Variants in RANBP1 observed in about 807,000 individuals in gnomAD.
The protein encoded by RANBP1 is ran-specific GTPase-activating protein.
Under a neutral mutation model 31.4 loss-of-function variants are expected in RANBP1, and 16 were observed. The observed-to-expected ratio is 0.51, with a 90% CI of 0.34 to 0.77. The LOEUF is 0.77. RANBP1 is among the 30% of genes least tolerant of loss of function. The probability of loss-of-function intolerance (pLI) is 0.01; values close to 1 mark genes in which losing one functional copy is unlikely to be tolerated. For synonymous variants in RANBP1, 129 were observed against 140.5 expected (o/e 0.92, Z 0.58); for missense variants, 265 against 362.0 (o/e 0.73, Z 2.17).
chr22:20,117,427 T>A (rs2050061003), intron 1 of RANBP1: 1 of 1,192,062 alleles, frequency 8.4e-7, no homozygotes, highest in Admixed American at 4.7e-5. Flanking sequence ...ACAATGAGAG[T>A]GTCCGCCTCC....
intron 5 of RANBP1, 43 bp downstream of exon 5, chr22:20,126,411 C>T (rs1602554768): frequency 1.9e-6 from 3 of 1,613,606 alleles, no homozygotes; most frequent in Non-Finnish European, 8.5e-7. Context: ...TGCAGACTCA[C>T]TCTGCATCTG....
At chr22:20,123,877 G>A (rs752759175) in intron 3 of RANBP1, among the ~76,000 whole-genome samples, 3 of 152,052 alleles carry the variant, frequency 2.0e-5, no homozygotes, top group Non-Finnish European at 2.9e-5. Context: ...TCCTAGTGTC[G>A]TTTGCTGAGT....
chr22:20,118,257 C>G, intron 1 of RANBP1: 2 of 1,002,490 alleles, frequency 2.0e-6, no homozygotes, highest in Non-Finnish European at 2.4e-6. Flanking sequence ...GTTTTCTTTT[C>G]CAGTTTGAGT....
intron 3 of RANBP1, chr22:20,122,767 T>TGTGTGTGG: frequency 7.0e-6 from 1 of 143,340 alleles, no homozygotes; most frequent in Non-Finnish European, 7.9e-6. Context: ...GTGTGTGGTG[T>TGTGTGTGG]CTGGGGGGTG....
At chr22:20,122,508 G>C (rs893771047) in intron 3 of RANBP1, 87 bp downstream of exon 3, 2 of 1,600,542 alleles carry the variant, frequency 1.2e-6, no homozygotes, top group Admixed American at 3.4e-5. Context: ...GGGAACTGGG[G>C]AGCGTGTTAT....
intron 1 of RANBP1, chr22:20,117,794 C>G: frequency 9.7e-7 from 1 of 1,034,844 alleles, no homozygotes; most frequent in Non-Finnish European, 1.2e-6. Context: ...TGCTGGGCCT[C>G]GGTGGCGCGG....
chr22:20,122,658 A>ATGGGAGGACT lies in RANBP1; in HGVS notation c.541+246_541+247insTTGGGAGGAC, dbSNP rs1276344669. 3.5e-5 allele frequency: 49 copies of ATGGGAGGACT among 1,418,732 alleles called. No individual in the cohort carries two copies. In the Middle Eastern group the frequency reaches 5.7e-4, roughly 16 times the overall value. 87.9% of individuals were successfully genotyped at this position (1,418,732 alleles called of 1,614,324 possible). ...TGTGGAGTCAGCCAGACGGGCCCTG[A>ATGGGAGGACT]TGGGAGGACGCAGCGCCCAGGCTGG... On this transcript the variant is annotated intron_variant, in intron 3 of 5. Transcript: ENST00000430524.
rs1028105982 is a variant in RANBP1 at position 20,119,591 on chromosome 22, G to A, written c.383+442G>A. ...CGCCCAGGCTGGAGTGCAGTGGTGC[G>A]ATCTTGGCTCATTGCAAGCTCCGCC... On this transcript the variant is annotated intron_variant, in intron 2 of 5. Coordinates refer to ENST00000430524, the MANE Select transcript of RANBP1 (RefSeq NM_001278639.2). 4 of 165,280 alleles carry A rather than the reference G, an allele frequency of 2.4e-5. No individual in the cohort carries two copies. In the South Asian group the frequency reaches 5.8e-4, roughly 24 times the overall value. 10.2% of individuals were successfully genotyped at this position (165,280 alleles called of 1,614,324 possible).
At chr22:20,122,033 G>A (rs1387078195) in intron 2 of RANBP1, among the ~76,000 whole-genome samples, 3 of 151,998 alleles carry the variant, frequency 2.0e-5, no homozygotes, top group African/African-American at 4.8e-5. Context: ...CACCGCGCCC[G>A]GTCGTCTAAT....
intron 1 of RANBP1, chr22:20,117,585 C>T (rs980246928): frequency 4.1e-5 from 58 of 1,406,514 alleles, no homozygotes; most frequent in Non-Finnish European, 3.7e-5. Context: ...CTACGAGTAG[C>T]CGCCGAGAGG....
Position 20,116,195 on chromosome 22 carries a change from C to T in RANBP1, c.11C>T (p.Ala4Val). The part of the protein sequence containing the change: MGS[A>V]LGRARRTLSG... ...CGCCTCCTCCTGGCCATGGGGTCGG[C>T]CTTGGGCCGGGCCAGGCGCACACTG... Residue 4 changes from alanine to valine, a missense_variant, in exon 1 of 6, where the codon GCC becomes GTC. Coordinates refer to ENST00000430524, the MANE Select transcript of RANBP1 (RefSeq NM_001278639.2). 2 of 1,613,030 alleles carry T rather than the reference C, an allele frequency of 1.2e-6. No homozygotes were observed. The highest frequency in any genetic ancestry group is 1.7e-6 in the Non-Finnish European group (2 of 1,180,002).
chr22:20,117,503 A>G (rs1211239664), intron 1 of RANBP1: 3 of 1,171,996 alleles, frequency 2.6e-6, no homozygotes, highest in Admixed American at 9.5e-5. Context: ...TCAGGGGTCG[A>G]GGTTCGGGTC....
At chr22:20,116,838 T>TC in intron 1 of RANBP1, 8 of 753,690 alleles carry the variant, frequency 1.1e-5, no homozygotes, top group Non-Finnish European at 1.2e-5. Context: ...CCCCGCCTCC[T>TC]CCCACCCCAT....
Sources: gnomAD v4.1 joint callset for allele counts (sites outside exome capture counted in the v4.1 genomes callset) on GRCh38, gnomAD v4.1.1 for gene constraint, MANE v1.5 for transcripts, NCBI Gene and HGNC (gene_info 2026-07-23, HGNC 2026-07-21) for gene names.